Variants in LYG2 observed in about 807,000 individuals in gnomAD.
The protein encoded by LYG2 is lysozyme g2.
In LYG2, 25 loss-of-function variants were observed where a neutral mutation model predicts 22.4. The observed-to-expected ratio is 1.12, with a 90% CI of 0.81 to 1.56. LYG2 has a LOEUF of 1.56. Among genes scored for constraint, LYG2 ranks in the 40% most tolerant of loss-of-function variants. The probability of loss-of-function intolerance (pLI) is 0.00; values close to 1 mark genes in which losing one functional copy is unlikely to be tolerated. For synonymous variants in LYG2, 88 were observed against 97.0 expected, an observed-to-expected ratio of 0.91 and a Z score of 0.55; for missense variants, 266 against 269.5, an observed-to-expected ratio of 0.99 and a Z score of 0.09.
intron 2 of LYG2, among the ~76,000 whole-genome samples, 184 bp from the exon 3 acceptor site, chr2:99,254,469 A>G (rs1362727306): frequency 3.3e-5 from 5 of 152,194 alleles, no homozygotes; most frequent in Non-Finnish European, 7.3e-5. Flanking sequence ...TCTTAAGCAT[A>G]AACTCCTAAT....
At chr2:99,253,885 G>T (rs557315174) in intron 3 of LYG2, among the ~76,000 whole-genome samples, 1 of 152,030 alleles carries the variant, frequency 6.6e-6, no homozygotes, top group East Asian at 1.9e-4. Flanking sequence ...GCTTGGCATT[G>T]ATAATTGTCT....
upstream of LYG2, among the ~76,000 whole-genome samples, chr2:99,258,296 T>A (rs963119305): frequency 2.0e-5 from 3 of 152,210 alleles, no homozygotes; most frequent in Non-Finnish European, 2.9e-5. Context: ...AAAAATAAAT[T>A]TTATATGTAA....
chr2:99,246,882 A>G, intron 3 of LYG2, 62 bp from the exon 4 acceptor site: 1 of 1,530,660 alleles, frequency 6.5e-7, no homozygotes, highest in East Asian at 2.3e-5. Flanking sequence ...GGTTGCTGCA[A>G]TAAACATCAC....
intron 6 of LYG2, chr2:99,243,703 T>C: frequency 2.0e-6 from 1 of 497,592 alleles, no homozygotes. Flanking sequence ...CTTTTTTTTT[T>C]TTTTTTTTTT....
chr2:99,258,903 A>G (rs1320541758), upstream of LYG2, among the ~76,000 whole-genome samples: 1 of 152,242 alleles, frequency 6.6e-6, no homozygotes, highest in Non-Finnish European at 1.5e-5. Context: ...CATTTGACCA[A>G]CATTTCAGGA....
At chr2:99,251,536 T>A (rs1041830506) in intron 3 of LYG2, among the ~76,000 whole-genome samples, 1 of 152,206 alleles carries the variant, frequency 6.6e-6, no homozygotes, top group African/African-American at 2.4e-5. Context: ...ATAAAACTGA[T>A]GTAAAATGCT....
At chr2:99,254,102 A>G (rs1298934132) in intron 3 of LYG2, 116 bp downstream of exon 3, 2 of 909,538 alleles carry the variant, frequency 2.2e-6, no homozygotes, top group Admixed American at 1.8e-5. Flanking sequence ...CAAGCTGGTC[A>G]GAATGAGAGC....
chr2:99,250,918 G>T (rs1053232294), intron 3 of LYG2, among the ~76,000 whole-genome samples: 9 of 152,196 alleles, frequency 5.9e-5, no homozygotes, highest in African/African-American at 1.7e-4. Context: ...CAAAAGGAAA[G>T]AATAAGACCT....
chr2:99,254,444 T>C (rs2094032426), intron 2 of LYG2, among the ~76,000 whole-genome samples, 159 bp from the exon 3 acceptor site: 1 of 152,182 alleles, frequency 6.6e-6, no homozygotes, highest in African/African-American at 2.4e-5. Flanking sequence ...ACATAGTTTG[T>C]TGGCACACTC....
intron 3 of LYG2, 44 bp from the exon 4 acceptor site, chr2:99,246,864 A>T (rs1483767506): frequency 1.3e-6 from 2 of 1,585,968 alleles, no homozygotes; most frequent in South Asian, 2.3e-5. Flanking sequence ...CTGAGAAGAT[A>T]TTACTTGGGT....
At chr2:99,251,778 A>G (rs1214044585) in intron 3 of LYG2, among the ~76,000 whole-genome samples, 1 of 151,982 alleles carries the variant, frequency 6.6e-6, no homozygotes, top group Admixed American at 6.6e-5. Flanking sequence ...AATGTTCAAG[A>G]TGAACCAGGA....
chr2:99,250,179 G>A (rs977054192), intron 3 of LYG2, among the ~76,000 whole-genome samples: 2 of 152,086 alleles, frequency 1.3e-5, no homozygotes, highest in African/African-American at 4.8e-5. Flanking sequence ...CTTTTGCCTA[G>A]AATGCTATTC....
upstream of LYG2, among the ~76,000 whole-genome samples, chr2:99,259,764 C>T (rs1036577667): frequency 2.0e-5 from 3 of 151,796 alleles, no homozygotes; most frequent in African/African-American, 4.8e-5. Context: ...TTTGGATTTC[C>T]CCAGTTTGTT....
Position 99,254,236 on chromosome 2 carries a change from C to G in LYG2, c.25G>C (p.Gly9Arg). The G allele has an allele frequency of 6.2e-7, 1 of 1,613,992 alleles. No individual in the cohort carries two copies. Reference sequence around the variant, plus strand: ...GACTTACCAATGAGGGCAATTAGTCCCCAAAACACCACGGAGGATAACATG... The same window carrying G: ...GACTTACCAATGAGGGCAATTAGTCGCCAAAACACCACGGAGGATAACATG... MLSSVVFW[G>R]LIALIGTSRG... is the part of the protein sequence containing the mutation. The change falls in exon 3 of 7, where the codon GGA becomes CGA. Residue 9 changes from glycine to arginine, a missense_variant. Coordinates refer to ENST00000333017, the MANE Select transcript of LYG2 (RefSeq NM_175735.4).
Position 99,245,291 on chromosome 2 carries a change from G to A in LYG2, c.352C>T (p.His118Tyr). 6.2e-7 allele frequency: 1 copy of A among 1,608,490 alleles called. No homozygotes were observed. The highest frequency in any genetic ancestry group is 1.1e-5 in the South Asian group (1 of 89,940). The change falls in exon 5 of 7, where the codon CAC becomes TAC. Residue 118 changes from histidine to tyrosine, a missense_variant. By Grantham distance (83) the His-to-Tyr change is moderately conservative. Transcript: ENST00000333017. ...ATCAAGCCAAATTTAAGTCCCCTGT[G>A]GTCCCAGCCGTCTTGCAGGACAGAT... Reference protein sequence around the residue: ...GGSVLQDGWDHRGLKFGLMQL... With the variant: ...GGSVLQDGWDYRGLKFGLMQL...
chr2:99,260,922 C>T, the LYG2 span, among the ~76,000 whole-genome samples: 3 of 152,120 alleles, frequency 2.0e-5, no homozygotes, highest in Non-Finnish European at 4.4e-5. Flanking sequence ...AAATCATGTG[C>T]TGAGAGTAAA....
intron 3 of LYG2, among the ~76,000 whole-genome samples, chr2:99,250,266 A>G (rs1021017627): frequency 2.0e-5 from 3 of 152,152 alleles, no homozygotes; most frequent in African/African-American, 4.8e-5. Context: ...TAGCGAGTTT[A>G]TAGACAAAAA....
intron 6 of LYG2, 87 bp from the exon 7 acceptor site, chr2:99,242,569 G>T: frequency 2.3e-6 from 2 of 873,672 alleles, no homozygotes; most frequent in Non-Finnish European, 1.8e-6. Context: ...AGCTTTCCAG[G>T]CAAATCTTCC....
chr2:99,249,800 C>T (rs189295728), intron 3 of LYG2, among the ~76,000 whole-genome samples: 1 of 148,564 alleles, frequency 6.7e-6, no homozygotes, highest in Admixed American at 6.7e-5. Context: ...CTAACCACTT[C>T]TCCCACCTCT....
Sources: allele counts gnomAD v4.1 joint callset (sites outside exome capture counted in the v4.1 genomes callset), GRCh38; gene constraint gnomAD v4.1.1; transcripts MANE v1.5; gene names NCBI Gene and HGNC (gene_info 2026-07-23, HGNC 2026-07-21).